CACNA1C: variants seen among roughly 807,000 people sequenced by gnomAD.
CACNA1C encodes the protein voltage-dependent L-type calcium channel subunit alpha-1C.
Under a neutral mutation model 229.0 loss-of-function variants are expected in CACNA1C, and 30 were observed. That is an observed-to-expected ratio of 0.13 (90% CI 0.10 to 0.18). CACNA1C has a LOEUF of 0.18. Among genes scored for constraint, CACNA1C ranks in the 10% least tolerant of loss-of-function variants. CACNA1C has a pLI of 1.00. For synonymous variants in CACNA1C, 1,114 were observed against 1,132.5 expected, an observed-to-expected ratio of 0.98 and a Z score of 0.33; for missense variants, 1,658 against 2,845.0, an observed-to-expected ratio of 0.58 and a Z score of 9.49.
Position 2,679,543 on chromosome 12 carries a change from A to G in CACNA1C, c.5191A>G (p.Asn1731Asp), listed in dbSNP as rs1028139438. ...TFTTQRPLHI[N>D]KAGSSQGDTE... ...CACCACTCAGCGCCCGCTGCACATC[A>G]ACAAGGCGGGCAGCAGCCAGGGCGA... The change falls in exon 42 of 47, where the codon AAC becomes GAC. Residue 1731 changes from asparagine to aspartate, a missense_variant. By Grantham distance (23) the Asn-to-Asp change is conservative (BLOSUM62 1). Transcript: ENST00000399655. The surrounding 1 kb of genome is among the most constrained non-coding windows in gnomAD (Gnocchi z 5.5). The G allele has an allele frequency of 1.2e-6, 2 of 1,613,114 alleles. No individual in the cohort carries two copies. The highest frequency in any genetic ancestry group is 2.7e-5 in the African/African-American group (2 of 74,910).
intron 3 of CACNA1C, among the ~76,000 whole-genome samples, chr12:2,413,391 T>G (rs1188739716): frequency 1.3e-5 from 2 of 152,220 alleles, no homozygotes; most frequent in African/African-American, 2.4e-5. Flanking sequence ...CTACCATCTA[T>G]CCTATCCCCA....
At chr12:2,211,689 C>CT in intron 3 of CACNA1C, among the ~76,000 whole-genome samples, 1 of 145,144 alleles carries the variant, frequency 6.9e-6, no homozygotes, top group South Asian at 2.3e-4. Context: ...CTCCTCCTTT[C>CT]TTTCACCTGT....
At chr12:2,310,051 T>A (rs1371541633) in intron 3 of CACNA1C, among the ~76,000 whole-genome samples, 1 of 152,196 alleles carries the variant, frequency 6.6e-6, no homozygotes, top group Non-Finnish European at 1.5e-5. Context: ...TGTTTAAATC[T>A]TTCTGTCTGG....
At position 2,237,951 on chromosome 12, in the gene CACNA1C, C is replaced by T. The variant is rs528970170; in HGVS notation, c.477+117521C>T. On this transcript the variant is annotated intron_variant, in intron 3 of 46. Transcript: ENST00000399655. ...CAAAACATTTCCAGTGGTATCAAGGCGACAATGATAGGTTTTAGTATTGAA... is the reference window on the plus strand; with the variant it reads ...CAAAACATTTCCAGTGGTATCAAGGTGACAATGATAGGTTTTAGTATTGAA... 3.6e-3 allele frequency among the ~76,000 whole-genome samples: 542 copies of T among 152,258 alleles called. 1 individual carries two copies. The highest frequency in any genetic ancestry group is 0.012 in the African/African-American group (487 of 41,534).
intron 3 of CACNA1C, among the ~76,000 whole-genome samples, chr12:2,296,650 A>G (rs1013196952): frequency 7.9e-5 from 12 of 152,122 alleles, no homozygotes; most frequent in South Asian, 2.1e-4. Context: ...ACACTACACT[A>G]TCTAAATTCT....
rs1196232443 is a variant in CACNA1C at position 2,682,637 on chromosome 12, C to T, written c.5532C>T (p.Asp1844=). 1 of 1,612,374 alleles carries T rather than the reference C, an allele frequency of 6.2e-7. No individual in the cohort carries two copies. Among genetic ancestry groups the T allele is most frequent in the Non-Finnish European group, 8.5e-7 (1 of 1,179,586 alleles). Residue 1844 remains aspartate, a synonymous_variant, in exon 43 of 47, where the codon GAC becomes GAT. Transcript: ENST00000399655. ...DETYEVKMNH[D]TEACSEPSLL... is the part of the protein sequence containing the mutation. ...CCTATGAAGTGAAGATGAACCATGA[C>T]ACGGAGGCCTGCAGTGAGCCCAGCC...
At chr12:2,070,107 A>G (rs901885739) in intron 1 of CACNA1C, among the ~76,000 whole-genome samples, 2 of 152,164 alleles carry the variant, frequency 1.3e-5, no homozygotes, top group African/African-American at 4.8e-5. Context: ...GCCCAGCCTT[A>G]AAGAGCATTT....
intron 1 of CACNA1C, chr12:2,004,227 C>A (rs747593881): frequency 1.9e-6 from 3 of 1,601,176 alleles, no homozygotes; most frequent in Admixed American, 1.7e-5. Flanking sequence ...GAGTCTGACG[C>A]CCCCCGCCTC....
intron 34 of CACNA1C, chr12:2,659,790 T>A (rs1253504840): frequency 1.3e-5 from 2 of 150,530 alleles, no homozygotes; most frequent in Admixed American, 6.6e-5. Flanking sequence ...AGACAAACCA[T>A]CAAATCCAAT....
At chr12:2,171,614 A>G (rs1027833956) in intron 3 of CACNA1C, among the ~76,000 whole-genome samples, 6 of 151,940 alleles carry the variant, frequency 3.9e-5, no homozygotes, top group African/African-American at 1.5e-4. Context: ...CCTTTTCCCC[A>G]CAAATATTTT....
intron 5 of CACNA1C, among the ~76,000 whole-genome samples, chr12:2,474,052 C>G (rs1394897623): frequency 6.8e-6 from 1 of 146,168 alleles, no homozygotes; most frequent in Non-Finnish European, 1.5e-5. Context: ...GAAAAAAAAT[C>G]ATTAGAGAGG....
intron 34 of CACNA1C, 28 bp from the exon 35 acceptor site, chr12:2,664,797 C>T: frequency 3.9e-6 from 6 of 1,535,986 alleles, no homozygotes; most frequent in Non-Finnish European, 5.3e-6. Context: ...GGATGGGCTG[C>T]ATGAACGTGG....
chr12:2,115,045 C>T (rs755825676), intron 1 of CACNA1C, among the ~76,000 whole-genome samples, 179 bp from the exon 2 acceptor site: 2 of 152,230 alleles, frequency 1.3e-5, no homozygotes, highest in African/African-American at 2.4e-5. Context: ...AGGACCGCAA[C>T]GATCCTGGCC....
chr12:2,568,420 G>A (rs984990755), intron 13 of CACNA1C, among the ~76,000 whole-genome samples: 2 of 152,156 alleles, frequency 1.3e-5, no homozygotes, highest in African/African-American at 4.8e-5. Flanking sequence ...TCCTAAAAAC[G>A]TTAATGATAG....
rs1181603897 is a variant in CACNA1C at position 2,632,227 on chromosome 12, A to C, written c.3829-2070A>C. ...GTGAATGTTTTTTCTTAAAGAAGAC[A>C]AATCTCTGTAGTACTCGGTCCTTCC... On this transcript the variant is annotated intron_variant, in intron 29 of 46. Coordinates refer to ENST00000399655, the MANE Select transcript of CACNA1C (RefSeq NM_000719.7). The surrounding 1 kb of genome is among the most constrained non-coding windows in gnomAD (Gnocchi z 4.1). 6.6e-6 allele frequency among the ~76,000 whole-genome samples: 1 copy of C among 152,128 alleles called. No homozygotes were observed. The highest frequency in any genetic ancestry group is 1.5e-5 in the Non-Finnish European group (1 of 68,018).
intron 3 of CACNA1C, among the ~76,000 whole-genome samples, chr12:2,189,118 A>G (rs1446189717): frequency 2.7e-5 from 4 of 147,308 alleles, no homozygotes; most frequent in Non-Finnish European, 5.9e-5. Flanking sequence ...AAAAAAAAAA[A>G]GACACATTCC....
intron 3 of CACNA1C, among the ~76,000 whole-genome samples, chr12:2,378,905 C>T (rs1489166297): frequency 6.6e-6 from 1 of 152,054 alleles, no homozygotes; most frequent in African/African-American, 2.4e-5. Context: ...CATGTGTCTT[C>T]CTGGTCAATC....
intron 3 of CACNA1C, among the ~76,000 whole-genome samples, chr12:2,378,492 C>T (rs1206583802): frequency 6.6e-6 from 1 of 152,228 alleles, no homozygotes; most frequent in Non-Finnish European, 1.5e-5. Flanking sequence ...CACATAGATG[C>T]CAACCAGTGT....
Position 2,608,462 on chromosome 12 carries a change from G to A in CACNA1C, c.3357-49G>A. 1 of 1,440,804 alleles carries A rather than the reference G, an allele frequency of 6.9e-7. No individual in the cohort carries two copies. Among genetic ancestry groups the A allele is most frequent in the Non-Finnish European group, 9.5e-7 (1 of 1,051,508 alleles). The allele number at this position is 1,440,804 out of a possible 1,614,324, so 89.3% of individuals were successfully genotyped here. A position where few individuals can be genotyped will look rare whatever the true frequency, so the allele number is the denominator to read the frequency against. ...GCAGTGGTGCCGTCCTTCCGCAGAG[G>A]GGACCCTGCTTCTCCAGTTCCCTCT... On this transcript the variant is annotated intron_variant, in intron 26 of 46. Coordinates refer to ENST00000399655, the MANE Select transcript of CACNA1C (RefSeq NM_000719.7). This position sits in a 1 kb window ranked among gnomAD's most constrained non-coding sequence, Gnocchi z 4.2.
Sources: allele counts gnomAD v4.1 joint callset (sites outside exome capture counted in the v4.1 genomes callset), GRCh38; gene constraint gnomAD v4.1.1; non-coding constraint Gnocchi (gnomAD v3.1); transcripts MANE v1.5; gene names NCBI Gene and HGNC (gene_info 2026-07-23, HGNC 2026-07-21).